Variants in GALC observed in about 807,000 individuals in gnomAD.
The protein encoded by GALC is galactocerebrosidase.
Under a neutral mutation model 91.8 loss-of-function variants are expected in GALC, and 77 were observed. The observed-to-expected ratio is 0.84, with a 90% CI of 0.70 to 1.01. GALC has a LOEUF of 1.01. Ranked by LOEUF, GALC falls within the 50% of genes least tolerant of loss-of-function variation. The pLI is 0.00. For missense variants in GALC, 882 were observed against 855.9 expected (o/e 1.03, Z -0.38); for synonymous variants, 357 against 306.7 (o/e 1.16, Z -1.71).
In GALC at chr14:87,992,697, C is replaced by T. The variant is rs1040439687; in HGVS notation, c.195+273G>A. The T allele has an allele frequency of 1.0e-5, 15 of 1,434,216 alleles. 1 individual carries two copies. The South Asian group carries it at 2.2e-4, about 21-fold the overall frequency. 88.8% of individuals were successfully genotyped at this position (1,434,216 alleles called of 1,614,324 possible). The stretch of plus-strand genomic sequence containing the variant: ...GCCCCGGCTACTTCACTACTTAGAC[C>T]TGTCACTTTACTCTCTGCACCTATA... On this transcript the variant is annotated intron_variant, in intron 1 of 16. Coordinates refer to ENST00000261304, the MANE Select transcript of GALC (RefSeq NM_000153.4).
rs1885400885 is a variant in GALC at position 87,953,648 on chromosome 14, T to A, written c.1162-2900A>T. ...AGAAGCTGCACCTCTGAAGATAAAG[T>A]GGGCCAGTCTGAAGCTCTATCTAGA... On this transcript the variant is annotated intron_variant, in intron 10 of 16. Coordinates refer to ENST00000261304, the MANE Select transcript of GALC (RefSeq NM_000153.4). The A allele has an allele frequency of 1.9e-6, 3 of 1,609,484 alleles. No homozygotes were observed. The African/African-American group carries it at 4.0e-5, about 22-fold the overall frequency.
At chr14:87,957,470 T>C (rs1885605298) in intron 10 of GALC, among the ~76,000 whole-genome samples, 2 of 152,178 alleles carry the variant, frequency 1.3e-5, no homozygotes, top group Admixed American at 6.5e-5. Context: ...TTCATTATTC[T>C]ATATGTTGCT....
upstream of GALC, chr14:87,993,349 C>T: frequency 4.6e-6 from 7 of 1,535,658 alleles, no homozygotes; most frequent in Non-Finnish European, 6.1e-6. Context: ...GCTCGCGTGT[C>T]TGTGGTCAGC....
chr14:87,953,829 A>G, intron 10 of GALC: 3 of 1,609,444 alleles, frequency 1.9e-6, no homozygotes, highest in Non-Finnish European at 2.5e-6. Flanking sequence ...TTGTTTAGTC[A>G]TGGTGCTATC....
chr14:87,942,672 T>C (rs1418615189), intron 14 of GALC, among the ~76,000 whole-genome samples: 1 of 152,046 alleles, frequency 6.6e-6, no homozygotes, highest in Non-Finnish European at 1.5e-5. Flanking sequence ...TCTAGAATTA[T>C]GTGGCTTTTA....
chr14:87,968,526 G>A (rs1311306180), intron 7 of GALC, 36 bp from the exon 8 acceptor site: 7 of 1,600,582 alleles, frequency 4.4e-6, no homozygotes, highest in Admixed American at 1.7e-5. Context: ...ATGAAAAAAG[G>A]TCACGACGTG....
chr14:87,992,789 A>C (rs1887262461), intron 1 of GALC, 181 bp downstream of exon 1: 13 of 1,411,032 alleles, frequency 9.2e-6, no homozygotes, highest in Non-Finnish European at 1.2e-5. Flanking sequence ...TTAAACGAGA[A>C]AGCACCCGCC....
chr14:87,945,808 T>C, intron 13 of GALC, 75 bp from the exon 14 acceptor site: 1 of 1,098,006 alleles, frequency 9.1e-7, no homozygotes, highest in Non-Finnish European at 1.4e-6. Flanking sequence ...TTTTATAGTA[T>C]GTCTGAAACA....
At chr14:87,968,949 A>G (rs975921278) in intron 7 of GALC, among the ~76,000 whole-genome samples, 1 of 152,150 alleles carries the variant, frequency 6.6e-6, no homozygotes, top group South Asian at 2.1e-4. Context: ...AAATAAGACT[A>G]GTGAAACCTT....
At chr14:87,953,119 G>A (rs755395953) in intron 10 of GALC, 24 of 1,500,140 alleles carry the variant, frequency 1.6e-5, no homozygotes, top group African/African-American at 4.1e-5. Flanking sequence ...CAGTGTTTGG[G>A]ATTATTTTCC....
intron 6 of GALC, among the ~76,000 whole-genome samples, chr14:87,980,064 G>A (rs983463144): frequency 7.9e-5 from 12 of 151,996 alleles, no homozygotes; most frequent in South Asian, 4.1e-4. Context: ...CCTTCTCCAC[G>A]CCTACAACTA....
At chr14:87,937,803 T>C (rs1049245884) in intron 16 of GALC, among the ~76,000 whole-genome samples, 7 of 151,800 alleles carry the variant, frequency 4.6e-5, no homozygotes, top group Admixed American at 3.3e-4. Flanking sequence ...ATAAAATTAC[T>C]AAAACAAACC....
chr14:87,951,878 C>A lies in GALC; in HGVS notation c.1162-1130G>T, dbSNP rs76509426. 2.1e-4 allele frequency among the ~76,000 whole-genome samples: 32 copies of A among 151,714 alleles called. No homozygotes were observed. The East Asian group carries it at 5.4e-3, about 26-fold the overall frequency. ...AGCACTAAATACCTAGATTAGAAAC[C>A]AAGAAAGGATTTGAGAGTTCAGCTT... is the stretch of plus-strand genomic sequence containing the variant. On this transcript the variant is annotated intron_variant, in intron 10 of 16. Coordinates refer to ENST00000261304, the MANE Select transcript of GALC (RefSeq NM_000153.4).
At chr14:87,946,624 T>G (rs1390369384) in intron 13 of GALC, among the ~76,000 whole-genome samples, 1 of 133,948 alleles carries the variant, frequency 7.5e-6, no homozygotes. Context: ...TGCTGGCAGT[T>G]CTTCAATCTC....
chr14:87,945,236 C>T (rs1885021135), intron 14 of GALC, among the ~76,000 whole-genome samples: 1 of 151,944 alleles, frequency 6.6e-6, no homozygotes, highest in African/African-American at 2.4e-5. Flanking sequence ...AAAAATACCT[C>T]ACAAATCCGT....
intron 10 of GALC, among the ~76,000 whole-genome samples, chr14:87,962,590 CA>C (rs1885852937): frequency 8.6e-5 from 3 of 34,938 alleles, no homozygotes; most frequent in Admixed American, 6.6e-4. Flanking sequence ...CACACACACA[CA>C]CACACACACA....
At chr14:87,968,558 T>C in intron 7 of GALC, 68 bp from the exon 8 acceptor site, 2 of 1,422,254 alleles carry the variant, frequency 1.4e-6, no homozygotes, top group Non-Finnish European at 2.0e-6. Context: ...CGTATAGATT[T>C]GTTGAGTATA....
intron 7 of GALC, among the ~76,000 whole-genome samples, chr14:87,972,567 C>T (rs1254775450): frequency 6.6e-6 from 1 of 151,364 alleles, no homozygotes; most frequent in Non-Finnish European, 1.5e-5. Flanking sequence ...TGCTGTACTT[C>T]AATTAAAAAT....
At chr14:87,947,915 A>AGG in intron 12 of GALC, 37 bp from the exon 13 acceptor site, 1 of 1,590,218 alleles carries the variant, frequency 6.3e-7, no homozygotes, top group Non-Finnish European at 8.6e-7. Flanking sequence ...AGGACCAGGT[A>AGG]CTATAGCTCA....
Sources: allele counts gnomAD v4.1 joint callset (sites outside exome capture counted in the v4.1 genomes callset), GRCh38; gene constraint gnomAD v4.1.1; transcripts MANE v1.5; gene names NCBI Gene and HGNC (gene_info 2026-07-23, HGNC 2026-07-21).